The following HERC2 variants were observed in gnomAD, a reference collection of about 807,000 sequenced individuals.
HERC2 encodes HECT and RLD domain containing E3 ubiquitin protein ligase 2.
A neutral mutation model predicts 537.7 loss-of-function variants in HERC2; 102 were observed. That is an observed-to-expected ratio of 0.19 (90% CI 0.16 to 0.22). HERC2 has a LOEUF of 0.22. HERC2 is among the 10% of genes least tolerant of loss of function. The pLI, the probability that HERC2 is intolerant of heterozygous loss-of-function variation, is 1.00. For synonymous variants in HERC2, 2,224 were observed against 2,466.2 expected, an observed-to-expected ratio of 0.90 and a Z score of 2.91; for missense variants, 4,236 against 6,198.2, an observed-to-expected ratio of 0.68 and a Z score of 10.63.
intron 69 of HERC2, among the ~76,000 whole-genome samples, chr15:28,158,685 T>A (rs1258150109): frequency 6.6e-6 from 1 of 152,132 alleles, no homozygotes; most frequent in African/African-American, 2.4e-5. Context: ...CTTGACTCTT[T>A]ATCCAATTTG....
At chr15:28,170,618 T>C (rs1277387905) in intron 65 of HERC2, among the ~76,000 whole-genome samples, 4 of 152,176 alleles carry the variant, frequency 2.6e-5, no homozygotes, top group Admixed American at 2.6e-4. Context: ...ATACTTAGAC[T>C]TGACACCAAA....
intron 12 of HERC2, among the ~76,000 whole-genome samples, chr15:28,266,607 T>C (rs185945098): frequency 1.3e-5 from 2 of 152,288 alleles, no homozygotes; most frequent in East Asian, 1.9e-4. Context: ...GAATTACCCA[T>C]ACACCCAACC....
At chr15:28,210,388 G>A (rs915935172) in intron 44 of HERC2, among the ~76,000 whole-genome samples, 72 of 152,058 alleles carry the variant, frequency 4.7e-4, no homozygotes, top group African/African-American at 1.6e-3. Context: ...CGCCCGCCTC[G>A]GCCTCCCAAA....
intron 86 of HERC2, 43 bp from the exon 87 acceptor site, chr15:28,117,197 C>G (rs759799916): frequency 1.3e-6 from 2 of 1,599,758 alleles, no homozygotes; most frequent in East Asian, 4.5e-5. Context: ...GCTGCCGCAG[C>G]AGGAAGCACA....
rs140162856 is a variant in HERC2, at chr15:28,177,371, C to A, written c.9254+48G>T. ...CAAAATAATTCTCAAGAGTATCAGT[C>A]AGAAACAGTTTCTTATTAGCAAATG... On this transcript the variant is annotated intron_variant, in intron 60 of 92. Coordinates refer to ENST00000261609, the MANE Select transcript of HERC2 (RefSeq NM_004667.6). The surrounding 1 kb of genome is among the most constrained non-coding windows in gnomAD (Gnocchi z 5.0). 4 of 1,528,114 alleles carry A rather than the reference C, an allele frequency of 2.6e-6. 1 individual carries two copies. Among genetic ancestry groups the A allele is most frequent in the Non-Finnish European group, 1.8e-6 (2 of 1,102,068 alleles). 94.7% of individuals were successfully genotyped at this position (1,528,114 alleles called of 1,614,324 possible).
At chr15:28,235,260 C>T (rs2140664615) in intron 26 of HERC2, among the ~76,000 whole-genome samples, 1 of 152,234 alleles carries the variant, frequency 6.6e-6, no homozygotes, top group African/African-American at 2.4e-5. Context: ...TCTTTAAGCA[C>T]AGGACAGCCC....
At chr15:28,230,323 A>C (rs779977570) in intron 31 of HERC2, 44 bp downstream of exon 31, 2 of 1,577,730 alleles carry the variant, frequency 1.3e-6, no homozygotes, top group Admixed American at 3.3e-5. Context: ...GCTACATGCT[A>C]TGATTCTATT....
intron 92 of HERC2, 87 bp downstream of exon 92, chr15:28,112,983 CA>C: frequency 9.6e-7 from 1 of 1,040,850 alleles, no homozygotes; most frequent in South Asian, 1.5e-5. Context: ...GCTCGTTTTC[CA>C]TGTGCTGCAG....
intron 20 of HERC2, among the ~76,000 whole-genome samples, 156 bp from the exon 21 acceptor site, chr15:28,248,892 G>A (rs747744437): frequency 1.3e-5 from 2 of 152,192 alleles, no homozygotes; most frequent in Non-Finnish European, 2.9e-5. Context: ...CAATGTATCT[G>A]CAACAAGCGC....
At chr15:28,217,879 G>T (rs1392495917) in intron 38 of HERC2, among the ~76,000 whole-genome samples, 1 of 151,936 alleles carries the variant, frequency 6.6e-6, no homozygotes, top group Admixed American at 6.5e-5. Context: ...AAGTAAGGAA[G>T]GACCTTCCCC....
Position 28,142,359 on chromosome 15 carries a change from T to G in HERC2, c.11579A>C (p.Asp3860Ala), listed in dbSNP as rs147059020. 2.5e-6 allele frequency: 4 copies of G among 1,613,782 alleles called. No individual in the cohort carries two copies. Among genetic ancestry groups the G allele is most frequent in the Non-Finnish European group, 3.4e-6 (4 of 1,179,928 alleles). Residue 3860 changes from aspartate to alanine, a missense_variant, in exon 76 of 93, where the codon GAC (aspartate) becomes GCC (alanine). Around this residue, in one of 27 missense-constraint regions of HERC2, gnomAD observed 156 missense variants for 172.3 expected, o/e 0.91. Transcript: ENST00000261609. Reference protein sequence around the residue: ...LVALACDLELDTLPCCAETHK... With the variant: ...LVALACDLELATLPCCAETHK... ...CGTCTCGGCACAGCAAGGCAGAGTG[T>G]CCAGCTCCAGGTCACAAGCAAGAGC...
In HERC2 at chr15:28,142,850, G is replaced by A. The variant is rs754700476; in HGVS notation, c.11521C>T (p.Leu3841=). The A allele has an allele frequency of 3.8e-6, 6 of 1,577,966 alleles. No homozygotes were observed. In the South Asian group the frequency reaches 5.6e-5, roughly 15 times the overall value. The change falls in exon 75 of 93, where the codon CTG becomes TTG. Residue 3841 remains leucine (L), a synonymous_variant. Transcript: ENST00000261609. ...ACCTTAAAGAATGGGCTGTGGAGCA[G>A]CTGTTTGCCACCCCTCACAATAGGA... ...EDPIVRGGKQ[L]LHSPFFKVLV...
At chr15:28,257,738 A>G (rs2075303827) in intron 16 of HERC2, among the ~76,000 whole-genome samples, 1 of 150,622 alleles carries the variant, frequency 6.6e-6, no homozygotes, top group Admixed American at 6.6e-5. Context: ...ACAACAAAAT[A>G]CATATACTTT....
intron 2 of HERC2, among the ~76,000 whole-genome samples, chr15:28,305,455 TG>T: frequency 7.6e-6 from 1 of 132,324 alleles, no homozygotes; most frequent in African/African-American, 2.8e-5. Flanking sequence ...TAAATGGTGC[TG>T]GGAAAACTGG....
At chr15:28,246,973 G>A in intron 21 of HERC2, 76 bp from the exon 22 acceptor site, 1 of 1,264,144 alleles carries the variant, frequency 7.9e-7, no homozygotes, top group Non-Finnish European at 1.1e-6. Context: ...GCTCCATGAT[G>A]CTATTCTCAT....
intron 2 of HERC2, among the ~76,000 whole-genome samples, chr15:28,316,846 G>C (rs1291077343): frequency 6.6e-6 from 1 of 152,084 alleles, no homozygotes; most frequent in African/African-American, 2.4e-5. Flanking sequence ...GCGCGATCTC[G>C]GCTCACTACA....
chr15:28,149,656 C>G (rs1183887431), intron 70 of HERC2, among the ~76,000 whole-genome samples: 1 of 151,206 alleles, frequency 6.6e-6, no homozygotes, highest in East Asian at 2.0e-4. Context: ...AGTAAAATTA[C>G]CGAAAAAATA....
intron 23 of HERC2, among the ~76,000 whole-genome samples, chr15:28,245,564 TATACACACACACACACACACAC>T (rs1386926276): frequency 6.4e-5 from 7 of 108,948 alleles, no homozygotes; most frequent in Non-Finnish European, 1.0e-4. Flanking sequence ...AAAAAAAATA[TATACACACACACACACACACAC>T]ACACACACAC....
At chr15:28,303,326 T>A (rs1177469927) in intron 2 of HERC2, among the ~76,000 whole-genome samples, 17 of 152,114 alleles carry the variant, frequency 1.1e-4, no homozygotes, top group African/African-American at 4.1e-4. Context: ...GATGTATAGA[T>A]CTGTTTCTGG....
Sources: gnomAD v4.1 joint callset for allele counts (sites outside exome capture counted in the v4.1 genomes callset) on GRCh38, gnomAD v4.1.1 for gene constraint, gnomAD v4.1.1 regional missense constraint, Gnocchi (gnomAD v3.1) non-coding constraint, MANE v1.5 for transcripts, NCBI Gene and HGNC (gene_info 2026-07-23, HGNC 2026-07-21) for gene names.